The following DCC variants were observed in gnomAD, a reference collection of about 807,000 sequenced individuals.
DCC encodes the protein DCC netrin 1 receptor.
A neutral mutation model predicts 172.5 loss-of-function variants in DCC; 58 were observed. The ratio of observed to expected loss-of-function variants is 0.34; its 90% CI spans 0.27 to 0.42. The LOEUF is 0.42. Ranked by LOEUF, DCC falls within the 10% of genes least tolerant of loss-of-function variation. The pLI is 1.00. For missense variants in DCC, 1,740 were observed against 1,791.0 expected (o/e 0.97, Z 0.51); for synonymous variants, 709 against 644.5 (o/e 1.10, Z -1.52).
At chr18:53,460,750 T>C (rs571892551) in intron 24 of DCC, among the ~76,000 whole-genome samples, 1 of 152,292 alleles carries the variant, frequency 6.6e-6, no homozygotes, top group African/African-American at 2.4e-5. Context: ...TACGTGTGCA[T>C]GTGTCTTTAT....
intron 27 of DCC, among the ~76,000 whole-genome samples, chr18:53,525,978 T>C (rs998919652): frequency 1.3e-5 from 2 of 152,128 alleles, no homozygotes; most frequent in Non-Finnish European, 2.9e-5. Context: ...CCCTTATGTA[T>C]AGGAAACAGA....
At chr18:53,286,493 C>A (rs1449786622) in intron 12 of DCC, among the ~76,000 whole-genome samples, 1 of 152,154 alleles carries the variant, frequency 6.6e-6, no homozygotes, top group Non-Finnish European at 1.5e-5. Flanking sequence ...GTCCAATAAA[C>A]CTCTTTCTTT....
chr18:52,649,372 C>CAAAA (rs74178677), intron 1 of DCC, among the ~76,000 whole-genome samples: 9 of 124,052 alleles, frequency 7.3e-5, no homozygotes, highest in Non-Finnish European at 8.3e-5. Flanking sequence ...GATTCCGTAT[C>CAAAA]AAAAAAAAAA....
intron 12 of DCC, among the ~76,000 whole-genome samples, chr18:53,255,733 C>G (rs757985377): frequency 6.6e-6 from 1 of 151,974 alleles, no homozygotes. Context: ...TACCCAGTAA[C>G]GGGATGGCTG....
At chr18:52,344,693 A>G (rs945103574) in intron 1 of DCC, among the ~76,000 whole-genome samples, 2 of 152,164 alleles carry the variant, frequency 1.3e-5, no homozygotes, top group African/African-American at 4.8e-5. Flanking sequence ...ATTTCTTTCC[A>G]TGGGAGACTG....
intron 1 of DCC, among the ~76,000 whole-genome samples, chr18:52,394,526 C>T (rs868543587): frequency 6.6e-6 from 1 of 151,976 alleles, no homozygotes; most frequent in Non-Finnish European, 1.5e-5. Flanking sequence ...ATCCTCCTGC[C>T]TTGGCCTCCC....
intron 24 of DCC, among the ~76,000 whole-genome samples, chr18:53,460,253 A>G (rs2045536526): frequency 7.6e-6 from 1 of 131,558 alleles, no homozygotes; most frequent in Admixed American, 7.8e-5. Flanking sequence ...TCATAATGTG[A>G]TTATAGAATG....
intron 22 of DCC, among the ~76,000 whole-genome samples, chr18:53,438,567 A>G (rs1432967244): frequency 6.6e-6 from 1 of 152,208 alleles, no homozygotes; most frequent in Admixed American, 6.5e-5. Flanking sequence ...ATTCTAACCT[A>G]ATTGGGCCTC....
intron 1 of DCC, among the ~76,000 whole-genome samples, chr18:52,620,235 T>C (rs1326900516): frequency 6.6e-6 from 1 of 152,186 alleles, no homozygotes; most frequent in Non-Finnish European, 1.5e-5. Flanking sequence ...TCCTTATCTG[T>C]GAAGGGAGGA....
chr18:52,830,762 C>G (rs185419656), intron 2 of DCC, among the ~76,000 whole-genome samples: 43 of 152,256 alleles, frequency 2.8e-4, no homozygotes, highest in African/African-American at 9.9e-4. Flanking sequence ...TATCTACCTT[C>G]ATAGACCTAG....
chr18:52,365,177 T>C (rs1984792185), intron 1 of DCC, among the ~76,000 whole-genome samples: 1 of 152,212 alleles, frequency 6.6e-6, no homozygotes, highest in Non-Finnish European at 1.5e-5. Flanking sequence ...GAGATGATGA[T>C]GTTTAATGCT....
At chr18:52,809,409 A>C (rs57622047) in intron 2 of DCC, 16,394 of 157,022 alleles carry the variant, frequency 0.1, 1,005 homozygotes, top group South Asian at 0.25. Flanking sequence ...AGGAATGGAA[A>C]CTTGGGCCAT....
intron 1 of DCC, among the ~76,000 whole-genome samples, chr18:52,458,273 A>G (rs1334717080): frequency 6.6e-6 from 1 of 152,116 alleles, no homozygotes; most frequent in Non-Finnish European, 1.5e-5. Flanking sequence ...TCCTGACAGT[A>G]GTTTATCCCA....
intron 2 of DCC, among the ~76,000 whole-genome samples, chr18:52,849,351 G>A (rs186827628): frequency 2.2e-3 from 328 of 152,226 alleles, no homozygotes; most frequent in African/African-American, 7.5e-3. Context: ...TTAAAACAAA[G>A]ACTGATTCCC....
chr18:52,602,536 C>A lies in DCC; in HGVS notation c.92-149518C>A, dbSNP rs575641443. 6.6e-5 allele frequency among the ~76,000 whole-genome samples: 10 copies of A among 152,034 alleles called. No homozygotes were observed. The East Asian group carries it at 1.9e-3, about 29-fold the overall frequency. On this transcript the variant is annotated intron_variant, in intron 1 of 28. Transcript: ENST00000442544. ...TACACATTCTACCCGTCAAAAATAA[C>A]TCATAAGTTTAATAAATTTTGTGCA...
At chr18:53,421,919 A>G (rs1910662329) in intron 21 of DCC, among the ~76,000 whole-genome samples, 1 of 152,104 alleles carries the variant, frequency 6.6e-6, no homozygotes, top group African/African-American at 2.4e-5. Flanking sequence ...ATGCAATCCT[A>G]TTTGATTCTT....
intron 8 of DCC, among the ~76,000 whole-genome samples, chr18:53,163,162 T>C (rs1406609534): frequency 6.6e-6 from 1 of 152,242 alleles, no homozygotes; most frequent in African/African-American, 2.4e-5. Context: ...TTCTTATTCA[T>C]AATTTCATGC....
chr18:52,524,308 CT>C (rs1332095179), intron 1 of DCC, among the ~76,000 whole-genome samples: 1 of 152,166 alleles, frequency 6.6e-6, no homozygotes, highest in Admixed American at 6.5e-5. Flanking sequence ...AATAAACCTT[CT>C]TTTGAAAAGC....
chr18:53,422,425 A>G (rs944607503), intron 21 of DCC, among the ~76,000 whole-genome samples: 2 of 152,144 alleles, frequency 1.3e-5, no homozygotes, highest in African/African-American at 2.4e-5. Context: ...GATTAGGCCC[A>G]GATACATACC....
Sources: allele counts gnomAD v4.1 joint callset (sites outside exome capture counted in the v4.1 genomes callset), GRCh38; gene constraint gnomAD v4.1.1; transcripts MANE v1.5; gene names NCBI Gene and HGNC (gene_info 2026-07-23, HGNC 2026-07-21).